ADGRB3: variants seen among roughly 807,000 people sequenced by gnomAD.
ADGRB3 encodes the protein adhesion G protein-coupled receptor B3.
In ADGRB3, 37 loss-of-function variants were observed where a neutral mutation model predicts 193.4. That is an observed-to-expected ratio of 0.19 (90% CI 0.15 to 0.25). The LOEUF (loss-of-function observed/expected upper bound fraction) is 0.25. ADGRB3 is among the 10% of genes least tolerant of loss of function. The probability of loss-of-function intolerance (pLI) is 1.00; values close to 1 mark genes in which losing one functional copy is unlikely to be tolerated. For synonymous variants in ADGRB3, 690 were observed against 644.2 expected, an observed-to-expected ratio of 1.07 and a Z score of -1.08; for missense variants, 1,637 against 1,852.9, an observed-to-expected ratio of 0.88 and a Z score of 2.14.
chr6:69,322,092 G>A (rs1169050113), intron 20 of ADGRB3, among the ~76,000 whole-genome samples: 1 of 151,902 alleles, frequency 6.6e-6, no homozygotes, highest in African/African-American at 2.4e-5. Flanking sequence ...CCACTTATAA[G>A]TGAAAACATG....
At chr6:69,167,097 C>T (rs1004584368) in intron 17 of ADGRB3, among the ~76,000 whole-genome samples, 4 of 152,046 alleles carry the variant, frequency 2.6e-5, no homozygotes, top group Admixed American at 2.6e-4. Context: ...TCTCTCTTTC[C>T]AAGTTCTTGG....
chr6:68,994,024 C>A, intron 11 of ADGRB3, 62 bp downstream of exon 11: 1 of 1,534,464 alleles, frequency 6.5e-7, no homozygotes, highest in Non-Finnish European at 8.9e-7. Flanking sequence ...TTTGGTCCCA[C>A]GAAGCCAGTG....
At chr6:68,685,243 C>CA (rs1764961470) in intron 3 of ADGRB3, among the ~76,000 whole-genome samples, 1 of 152,036 alleles carries the variant, frequency 6.6e-6, no homozygotes, top group Admixed American at 6.6e-5. Context: ...TGAAGATTTT[C>CA]AGGGTGCCAA....
intron 28 of ADGRB3, among the ~76,000 whole-genome samples, chr6:69,357,999 A>G (rs1397659234): frequency 2.0e-5 from 3 of 152,018 alleles, no homozygotes; most frequent in Non-Finnish European, 4.4e-5. Flanking sequence ...GTCCGGGTTT[A>G]GAAGCTTGAA....
intron 3 of ADGRB3, among the ~76,000 whole-genome samples, chr6:68,847,007 A>G (rs1345297339): frequency 6.6e-6 from 1 of 152,172 alleles, no homozygotes; most frequent in African/African-American, 2.4e-5. Context: ...GACCATGGGA[A>G]CCCACCTCTT....
chr6:68,905,928 G>A (rs1041571387), intron 3 of ADGRB3, among the ~76,000 whole-genome samples: 1 of 151,858 alleles, frequency 6.6e-6, no homozygotes, highest in Non-Finnish European at 1.5e-5. Context: ...ATTCTAGAGA[G>A]AATGTCCTGA....
intron 3 of ADGRB3, among the ~76,000 whole-genome samples, chr6:68,884,933 G>T (rs140716933): frequency 0.015 from 2,308 of 152,188 alleles, 49 homozygotes; most frequent in African/African-American, 0.052. Context: ...GAAGATCACT[G>T]ATATAAAACC....
At chr6:68,661,520 CATATATATATGTGTATACAT>C (rs1359573718) in intron 3 of ADGRB3, among the ~76,000 whole-genome samples, 8 of 82,846 alleles carry the variant, frequency 9.7e-5, no homozygotes, top group Non-Finnish European at 2.0e-4. Flanking sequence ...TGTGTGTATA[CATATATATATGTGTATACAT>C]ATATATATAT....
chr6:69,007,324 A>G (rs1217690654), intron 11 of ADGRB3, among the ~76,000 whole-genome samples: 1 of 152,122 alleles, frequency 6.6e-6, no homozygotes, highest in Non-Finnish European at 1.5e-5. Flanking sequence ...CTCAGTGGCC[A>G]AAACTAGACT....
intron 20 of ADGRB3, among the ~76,000 whole-genome samples, chr6:69,276,617 A>G (rs1216941478): frequency 2.0e-5 from 3 of 152,124 alleles, no homozygotes; most frequent in South Asian, 2.1e-4. Flanking sequence ...GGGCTCAGGA[A>G]AGGGCTTTCC....
At chr6:69,188,687 G>A (rs1215403619) in intron 17 of ADGRB3, among the ~76,000 whole-genome samples, 1 of 152,034 alleles carries the variant, frequency 6.6e-6, no homozygotes, top group Admixed American at 6.6e-5. Flanking sequence ...CATGCTCAAA[G>A]CCTTCATATC....
intron 3 of ADGRB3, among the ~76,000 whole-genome samples, chr6:68,719,964 TGAAAA>T (rs1765549109): frequency 6.6e-6 from 1 of 151,868 alleles, no homozygotes; most frequent in South Asian, 2.1e-4. Context: ...CTGGTAGTGA[TGAAAA>T]GGAGGGCTTT....
intron 11 of ADGRB3, among the ~76,000 whole-genome samples, chr6:69,009,432 A>G (rs1582390896): frequency 6.6e-6 from 1 of 152,144 alleles, no homozygotes; most frequent in South Asian, 2.1e-4. Flanking sequence ...AGCAAACAGC[A>G]TGTAAACAGT....
At chr6:68,966,112 C>T (rs1768375075) in intron 8 of ADGRB3, among the ~76,000 whole-genome samples, 1 of 152,108 alleles carries the variant, frequency 6.6e-6, no homozygotes, top group African/African-American at 2.4e-5. Flanking sequence ...CATAAGATAT[C>T]CTTCCTGGAA....
chr6:69,300,566 A>C (rs1406051776), intron 20 of ADGRB3, among the ~76,000 whole-genome samples: 1 of 151,818 alleles, frequency 6.6e-6, no homozygotes, highest in Non-Finnish European at 1.5e-5. Flanking sequence ...TATATTTAGA[A>C]ATATCTGAAG....
intron 13 of ADGRB3, among the ~76,000 whole-genome samples, chr6:69,023,025 A>G (rs1770317678): frequency 6.6e-6 from 1 of 152,230 alleles, no homozygotes; most frequent in Admixed American, 6.5e-5. Flanking sequence ...CCTATTCTTT[A>G]GAAATTAATT....
chr6:69,095,992 A>G (rs1772865311), intron 17 of ADGRB3, among the ~76,000 whole-genome samples: 1 of 152,232 alleles, frequency 6.6e-6, no homozygotes, highest in Non-Finnish European at 1.5e-5. Context: ...CCAGAGGCCT[A>G]GAATACCTTT....
intron 4 of ADGRB3, among the ~76,000 whole-genome samples, chr6:68,934,010 A>T (rs191358610): frequency 6.6e-6 from 1 of 152,156 alleles, no homozygotes; most frequent in African/African-American, 2.4e-5. Context: ...CATCTTTCTT[A>T]TAATGTATAT....
intron 3 of ADGRB3, among the ~76,000 whole-genome samples, chr6:68,896,024 G>A (rs1284866126): frequency 6.6e-6 from 1 of 152,006 alleles, no homozygotes; most frequent in Non-Finnish European, 1.5e-5. Flanking sequence ...ATTTTGATAA[G>A]AACACAAGCC....
Sources: allele counts gnomAD v4.1 joint callset (sites outside exome capture counted in the v4.1 genomes callset), GRCh38; gene constraint gnomAD v4.1.1; transcripts MANE v1.5; gene names NCBI Gene and HGNC (gene_info 2026-07-23, HGNC 2026-07-21).